Variants in NRCAM observed in about 807,000 individuals in gnomAD.
NRCAM encodes NgCAM-related cell adhesion molecule.
NRCAM carries 83 observed loss-of-function variants against 156.5 expected under a neutral mutation model. The observed-to-expected ratio is 0.53, with a 90% CI of 0.44 to 0.64. NRCAM has a LOEUF of 0.64. Among genes scored for constraint, NRCAM ranks in the 30% least tolerant of loss-of-function variants. The pLI is 0.00. For missense variants in NRCAM, 1,417 were observed against 1,597.3 expected, an observed-to-expected ratio of 0.89 and a Z score of 1.92; for synonymous variants, 538 against 563.9, an observed-to-expected ratio of 0.95 and a Z score of 0.65.
intron 1 of NRCAM, among the ~76,000 whole-genome samples, chr7:108,407,221 C>T (rs2099809756): frequency 6.6e-6 from 1 of 152,190 alleles, no homozygotes; most frequent in South Asian, 2.1e-4. Flanking sequence ...ACACCATGAA[C>T]ATTTCCCCAA....
chr7:108,339,441 C>T (rs945402046), intron 2 of NRCAM, among the ~76,000 whole-genome samples: 2 of 152,134 alleles, frequency 1.3e-5, no homozygotes, highest in African/African-American at 4.8e-5. Context: ...CTCTGTGAAA[C>T]GAATTTACTT....
intron 2 of NRCAM, among the ~76,000 whole-genome samples, chr7:108,343,076 A>G (rs560230732): frequency 2.0e-5 from 3 of 152,314 alleles, no homozygotes; most frequent in Admixed American, 6.5e-5. Flanking sequence ...CCCGACCTCA[A>G]CTTGTATACT....
In NRCAM at chr7:108,249,895, T is replaced by TTG. The variant is rs1247165725; in HGVS notation, c.-106-9726_-106-9725insCA. Reference sequence around the variant, plus strand: ...TGTGATGATTTAAAAGAAATGTCAATTCAAAGAGCACTTTAGGTAGAAATA... The same window carrying TTG: ...TGTGATGATTTAAAAGAAATGTCAATTGTCAAAGAGCACTTTAGGTAGAAATA... On this transcript the variant is annotated intron_variant, in intron 3 of 32. Coordinates refer to ENST00000379028, the MANE Select transcript of NRCAM (RefSeq NM_001037132.4). 4.7e-4 allele frequency among the ~76,000 whole-genome samples: 71 copies of TTG among 152,192 alleles called. 2 individuals are homozygous for TTG. Among genetic ancestry groups the TTG allele is most frequent in the Non-Finnish European group, 1.6e-4 (11 of 68,032 alleles).
chr7:108,420,674 G>A (rs994960904), intron 1 of NRCAM, among the ~76,000 whole-genome samples: 2 of 152,248 alleles, frequency 1.3e-5, no homozygotes, highest in African/African-American at 2.4e-5. Context: ...TTAGGCATCC[G>A]TGGTTCCTAC....
intron 13 of NRCAM, among the ~76,000 whole-genome samples, chr7:108,201,971 G>A (rs927789076): frequency 6.6e-6 from 1 of 152,144 alleles, no homozygotes; most frequent in Admixed American, 6.5e-5. Flanking sequence ...ATGGAGGCTC[G>A]GTTGGTAGCT....
intron 22 of NRCAM, 59 bp from the exon 23 acceptor site, chr7:108,182,979 C>T: frequency 2.2e-6 from 3 of 1,354,308 alleles, no homozygotes; most frequent in African/African-American, 1.4e-5. Context: ...CAATCTTTTA[C>T]AGGAACAGCA....
chr7:108,258,867 G>A (rs753026310), intron 3 of NRCAM, among the ~76,000 whole-genome samples: 1 of 152,146 alleles, frequency 6.6e-6, no homozygotes, highest in Non-Finnish European at 1.5e-5. Flanking sequence ...TATCCTCCTT[G>A]TGGCCTGGAT....
At chr7:108,330,373 G>A (rs1055273847) in intron 2 of NRCAM, among the ~76,000 whole-genome samples, 1 of 152,140 alleles carries the variant, frequency 6.6e-6, no homozygotes, top group South Asian at 2.1e-4. Flanking sequence ...GGGCTCAATG[G>A]AGGAGAGACG....
chr7:108,297,233 T>C (rs1160692081), intron 3 of NRCAM, among the ~76,000 whole-genome samples: 1 of 152,236 alleles, frequency 6.6e-6, no homozygotes, highest in African/African-American at 2.4e-5. Flanking sequence ...AGAGTATTTA[T>C]TCTCTCAAAA....
At chr7:108,368,050 A>G (rs908018400) in intron 2 of NRCAM, among the ~76,000 whole-genome samples, 5 of 152,106 alleles carry the variant, frequency 3.3e-5, no homozygotes, top group Non-Finnish European at 7.4e-5. Flanking sequence ...GGATGAAAAC[A>G]CACATTATTT....
chr7:108,295,766 ACAGT>A lies in NRCAM; in HGVS notation c.-107+16895_-107+16898del, dbSNP rs2098441753. 3.9e-5 allele frequency among the ~76,000 whole-genome samples: 6 copies of A among 152,340 alleles called. No homozygotes were observed. The South Asian group carries it at 1.2e-3, about 32-fold the overall frequency. On this transcript the variant is annotated intron_variant, in intron 3 of 32. Coordinates refer to ENST00000379028, the MANE Select transcript of NRCAM (RefSeq NM_001037132.4). ...TCCGCAGATGTGAAAACAGTGCTAA[ACAGT>A]CCATCTTCATGAGTGGAGAACAGCA...
chr7:108,371,453 A>T (rs980781177), intron 2 of NRCAM, among the ~76,000 whole-genome samples: 1 of 152,152 alleles, frequency 6.6e-6, no homozygotes. Context: ...CTCCACACTA[A>T]GGGCATGCTA....
intron 1 of NRCAM, among the ~76,000 whole-genome samples, chr7:108,448,244 G>A (rs1473103174): frequency 6.6e-6 from 1 of 152,200 alleles, no homozygotes; most frequent in East Asian, 1.9e-4. Flanking sequence ...TAATCATTCT[G>A]AAGTAAATTA....
chr7:108,154,586 AG>A (rs544473209), intron 32 of NRCAM, among the ~76,000 whole-genome samples: 17 of 152,280 alleles, frequency 1.1e-4, no homozygotes, highest in Non-Finnish European at 2.2e-4. Flanking sequence ...AAAGAAGAGA[AG>A]GAAGTGGGAT....
chr7:108,155,820 AT>A, intron 32 of NRCAM, among the ~76,000 whole-genome samples: 1 of 152,228 alleles, frequency 6.6e-6, no homozygotes, highest in East Asian at 1.9e-4. Context: ...AACATAAAAC[AT>A]TTCATTCCCT....
chr7:108,375,071 C>A (rs1181082647), intron 2 of NRCAM, among the ~76,000 whole-genome samples: 1 of 152,062 alleles, frequency 6.6e-6, no homozygotes, highest in African/African-American at 2.4e-5. Context: ...CCAGCCCAGA[C>A]TGTCTGTCTC....
chr7:108,393,407 T>C (rs2099767462), intron 2 of NRCAM, among the ~76,000 whole-genome samples: 1 of 152,160 alleles, frequency 6.6e-6, no homozygotes, highest in Non-Finnish European at 1.5e-5. Flanking sequence ...ATATAAACTG[T>C]GTGCCGTTTG....
At chr7:108,187,783 C>G (rs1298045723) in intron 20 of NRCAM, among the ~76,000 whole-genome samples, 1 of 151,800 alleles carries the variant, frequency 6.6e-6, no homozygotes, top group Non-Finnish European at 1.5e-5. Flanking sequence ...AACCCCATCT[C>G]TACTAAAAAT....
At chr7:108,207,374 T>C in intron 13 of NRCAM, 154 bp downstream of exon 13, 1 of 610,092 alleles carries the variant, frequency 1.6e-6, no homozygotes, top group East Asian at 2.8e-5. Context: ...TATCTAATGG[T>C]AATAAAATGC....
Sources: gnomAD v4.1 joint callset for allele counts (sites outside exome capture counted in the v4.1 genomes callset) on GRCh38, gnomAD v4.1.1 for gene constraint, MANE v1.5 for transcripts, NCBI Gene and HGNC (gene_info 2026-07-23, HGNC 2026-07-21) for gene names.